DEXI: variants seen among roughly 807,000 people sequenced by gnomAD.
DEXI encodes the protein dexamethasone-induced protein.
In DEXI, 2 loss-of-function variants were observed where a neutral mutation model predicts 2.5. The ratio of observed to expected loss-of-function variants is 0.81; its 90% confidence interval spans 0.33 to 2.55. DEXI has a LOEUF of 2.55. Ranked by LOEUF, DEXI falls within the 30% of genes most tolerant of loss-of-function variation. DEXI has a pLI of 0.11. For missense variants in DEXI, 108 were observed against 130.3 expected (o/e 0.83, Z 0.83); for synonymous variants, 71 against 68.7 (o/e 1.03, Z -0.17).
chr16:10,932,372 G>C (rs931605980), intron 1 of DEXI: 6 of 152,194 alleles, frequency 3.9e-5, no homozygotes, highest in African/African-American at 1.4e-4. Flanking sequence ...ACTCTAGGAG[G>C]TAGGGCCAAG....
rs754123667 is a variant in DEXI at position 10,941,697 on chromosome 16, A to G, written c.*21T>C. The G allele has an allele frequency of 8.8e-6, 14 of 1,587,710 alleles. No individual in the cohort carries two copies. The African/African-American group carries it at 1.1e-4, about 12-fold the overall frequency. ...ATGGGTTGCGGATCGTGTAGGGAAG[A>G]GGGGAACAGCAGTCGAGACCCTACT... On this transcript the variant is annotated 3_prime_UTR_variant, in exon 1 of 2. Transcript: ENST00000331808. This position sits in a 1 kb window ranked among gnomAD's most constrained non-coding sequence, Gnocchi z 6.4.
rs1258482499 is a variant in DEXI at position 10,929,061 on chromosome 16, G to T, written c.*648C>A. On this transcript the variant is annotated 3_prime_UTR_variant, in exon 2 of 2. Transcript: ENST00000331808. This position sits in a 1 kb window ranked among gnomAD's most constrained non-coding sequence, Gnocchi z 4.3. ...ATGATGTCTGTTTTGCCAACTTGCT[G>T]AAGAACGAGTAACCTGAAATGAAGG... The T allele has an allele frequency of 1.3e-5, 4 of 314,016 alleles. No individual in the cohort carries two copies. Among genetic ancestry groups the T allele is most frequent in the Non-Finnish European group, 1.9e-5 (4 of 215,970 alleles). 19.5% of individuals were successfully genotyped at this position (314,016 alleles called of 1,614,324 possible). A position where few individuals can be genotyped will look rare whatever the true frequency, so the allele number is the denominator to read the frequency against.
rs190257925 is a variant in DEXI, at chr16:10,941,436, G to A, written c.*149+133C>T. On this transcript the variant is annotated intron_variant, in intron 1 of 1. Coordinates refer to ENST00000331808, the MANE Select transcript of DEXI (RefSeq NM_014015.4). The surrounding 1 kb of genome is among the most constrained non-coding windows in gnomAD (Gnocchi z 6.4). ...CTTAAGAGGAGTCTGGCCATTCCTG[G>A]CATCCAGTTAGACCTGGAGGAGGTG... 2 of 872,668 alleles carry A rather than the reference G, an allele frequency of 2.3e-6. No homozygotes were observed. Among genetic ancestry groups the A allele is most frequent in the Admixed American group, 4.1e-5 (1 of 24,264 alleles). The allele number at this position is 872,668 out of a possible 1,614,324, so 54.1% of individuals were successfully genotyped here.
At chr16:10,931,398 G>A (rs1596646069) in intron 1 of DEXI, 1 of 152,294 alleles carries the variant, frequency 6.6e-6, no homozygotes, top group South Asian at 2.1e-4. Flanking sequence ...TCCCAGCCAG[G>A]CGCTAGTCTG....
In DEXI at chr16:10,934,949, C is replaced by G. The variant is rs922038816; in HGVS notation, c.*150-5390G>C. 1 of 152,240 alleles carries G rather than the reference C, an allele frequency of 6.6e-6. No individual in the cohort carries two copies. The highest frequency in any genetic ancestry group is 2.4e-5 in the African/African-American group (1 of 41,452). 9.4% of individuals were successfully genotyped at this position (152,240 alleles called of 1,614,324 possible). ...ACCAGTCCTCAGGAGGAAGGGCACC[C>G]AAGGAAAGGGGGAAGGCTTCCTGGG... is the stretch of plus-strand genomic sequence containing the variant. On this transcript the variant is annotated intron_variant, in intron 1 of 1. Coordinates refer to ENST00000331808, the MANE Select transcript of DEXI (RefSeq NM_014015.4). The surrounding 1 kb of genome is among the most constrained non-coding windows in gnomAD (Gnocchi z 4.2).
Position 10,929,330 on chromosome 16 carries a change from C to G in DEXI, c.*379G>C. ...GGGATGAAGTGCAGGGAGGCAAACT[C>G]TGGCTGGGTTCCTGTAAACATCCAT... On this transcript the variant is annotated 3_prime_UTR_variant, in exon 2 of 2. Transcript: ENST00000331808. This position sits in a 1 kb window ranked among gnomAD's most constrained non-coding sequence, Gnocchi z 4.3. 1 of 985,934 alleles carries G rather than the reference C, an allele frequency of 1.0e-6. No individual in the cohort carries two copies. The highest frequency in any genetic ancestry group is 1.2e-6 in the Non-Finnish European group (1 of 829,976). 61.1% of individuals were successfully genotyped at this position (985,934 alleles called of 1,614,324 possible).
chr16:10,932,660 C>CAG (rs1466701545), intron 1 of DEXI: 3 of 148,484 alleles, frequency 2.0e-5, no homozygotes, highest in African/African-American at 7.4e-5. Flanking sequence ...ATCACACACA[C>CAG]ACACACAAAA....
intron 1 of DEXI, chr16:10,935,560 A>C (rs1596656397): frequency 6.6e-6 from 1 of 152,244 alleles, no homozygotes; most frequent in African/African-American, 2.4e-5. Flanking sequence ...TGAAGCACTA[A>C]AACTAGTGCA....
In DEXI at chr16:10,941,744, C is replaced by T; in HGVS notation, c.262G>A (p.Asp88Asn). The change falls in exon 1 of 2, where the codon GAC becomes AAC. Residue 88 changes from aspartate (D) to asparagine (N), a missense_variant. Coordinates refer to ENST00000331808, the MANE Select transcript of DEXI (RefSeq NM_014015.4). This position sits in a 1 kb window ranked among gnomAD's most constrained non-coding sequence, Gnocchi z 6.4. ...TACTCCAAGTACGCATCAAAGACGT[C>T]GAGCTCCGAGTCAGCATCGTAAAGG... ...SGLYDADSEL[D>N]VFDAYLE The T allele has an allele frequency of 1.2e-6, 2 of 1,611,532 alleles. No individual in the cohort carries two copies. Among genetic ancestry groups the T allele is most frequent in the South Asian group, 2.2e-5 (2 of 90,790 alleles).
In DEXI at chr16:10,937,859, G is replaced by A. The variant is rs1441158491; in HGVS notation, c.*149+3710C>T. The A allele has an allele frequency of 1.3e-5, 2 of 152,210 alleles. No homozygotes were observed. Among genetic ancestry groups the A allele is most frequent in the East Asian group, 1.9e-4 (1 of 5,180 alleles). The allele number at this position is 152,210 out of a possible 1,614,324, so 9.4% of individuals were successfully genotyped here. A position where few individuals can be genotyped will look rare whatever the true frequency, so the allele number is the denominator to read the frequency against. ...AGAGCCGGCTATCCAGGGTTCTGGT[G>A]CCCTGGGGACCACAGGGCAGCAAGA... is the stretch of plus-strand genomic sequence containing the variant. On this transcript the variant is annotated intron_variant, in intron 1 of 1. Transcript: ENST00000331808. The surrounding 1 kb of genome is among the most constrained non-coding windows in gnomAD (Gnocchi z 4.2).
rs1286150448 is a variant in DEXI, at chr16:10,934,804, T to G, written c.*150-5245A>C. On this transcript the variant is annotated intron_variant, in intron 1 of 1. Transcript: ENST00000331808. The surrounding 1 kb of genome is among the most constrained non-coding windows in gnomAD (Gnocchi z 4.2). Reference sequence around the variant, plus strand: ...GAGGGAGTTCCCCGCCACTCCAAGCTTGGGGCCTGGGATGGCAGCTGTGAG... The same window carrying G: ...GAGGGAGTTCCCCGCCACTCCAAGCGTGGGGCCTGGGATGGCAGCTGTGAG... The G allele has an allele frequency of 6.6e-6, 1 of 152,352 alleles. No individual in the cohort carries two copies. The highest frequency in any genetic ancestry group is 2.1e-4 in the South Asian group (1 of 4,826). The allele number at this position is 152,352 out of a possible 1,614,324, so 9.4% of individuals were successfully genotyped here.
In DEXI at chr16:10,938,514, G is replaced by A. The variant is rs2041060241; in HGVS notation, c.*149+3055C>T. On this transcript the variant is annotated intron_variant, in intron 1 of 1. Coordinates refer to ENST00000331808, the MANE Select transcript of DEXI (RefSeq NM_014015.4). This position sits in a 1 kb window ranked among gnomAD's most constrained non-coding sequence, Gnocchi z 4.9. ...GGAACACATGTGACCACATGAGAAT[G>A]GCTGAGAAAGAGCAGGACTGACTAC... The A allele has an allele frequency of 6.6e-6, 1 of 152,182 alleles. No individual in the cohort carries two copies. Among genetic ancestry groups the A allele is most frequent in the African/African-American group, 2.4e-5 (1 of 41,426 alleles). 9.4% of individuals were successfully genotyped at this position (152,182 alleles called of 1,614,324 possible).
rs2041104167 is a variant in DEXI, at chr16:10,941,673, T to C, written c.*45A>G. On this transcript the variant is annotated 3_prime_UTR_variant, in exon 1 of 2. Transcript: ENST00000331808. The surrounding 1 kb of genome is among the most constrained non-coding windows in gnomAD (Gnocchi z 6.4). ...TGATCTGGGCGGCTGGTCCAGGGCA[T>C]GGGTTGCGGATCGTGTAGGGAAGAG... 2.6e-6 allele frequency: 4 copies of C among 1,560,718 alleles called. No individual in the cohort carries two copies. Among genetic ancestry groups the C allele is most frequent in the Admixed American group, 1.8e-5 (1 of 56,380 alleles).
Position 10,941,722 on chromosome 16 carries a change from T to A in DEXI, c.284A>T (p.Glu95Val). Residue 95 changes from glutamate (E) to valine (V), a missense_variant, in exon 1 of 2, where the codon GAG becomes GTG. Glu to Val is a moderately radical substitution (Grantham distance 121). Coordinates refer to ENST00000331808, the MANE Select transcript of DEXI (RefSeq NM_014015.4). The surrounding 1 kb of genome is among the most constrained non-coding windows in gnomAD (Gnocchi z 6.4). ...AGGGGAACAGCAGTCGAGACCCTACTCCAAGTACGCATCAAAGACGTCGAG... is the reference window on the plus strand; with the variant it reads ...AGGGGAACAGCAGTCGAGACCCTACACCAAGTACGCATCAAAGACGTCGAG... Reference protein sequence around the residue: ...SELDVFDAYLE With the variant: ...SELDVFDAYLV The A allele has an allele frequency of 6.2e-7, 1 of 1,607,566 alleles. No individual in the cohort carries two copies.
chr16:10,936,674 A>G (rs553582370), intron 1 of DEXI: 1 of 152,334 alleles, frequency 6.6e-6, no homozygotes, highest in East Asian at 1.9e-4. Flanking sequence ...CCTGGCAGAA[A>G]CTATGAGCTG....
At position 10,939,546 on chromosome 16, in the gene DEXI, T is replaced by C. The variant is rs2041073263; in HGVS notation, c.*149+2023A>G. ...TCTCACCTGAAGGTCTTGGCACCAC[T>C]GATTCCCTCAGCCTGGACTGCTTTT... On this transcript the variant is annotated intron_variant, in intron 1 of 1. Transcript: ENST00000331808. The surrounding 1 kb of genome is among the most constrained non-coding windows in gnomAD (Gnocchi z 4.9). The C allele has an allele frequency of 6.6e-6, 1 of 152,290 alleles. No individual in the cohort carries two copies. Among genetic ancestry groups the C allele is most frequent in the African/African-American group, 2.4e-5 (1 of 41,452 alleles). The allele number at this position is 152,290 out of a possible 1,614,324, so 9.4% of individuals were successfully genotyped here.
chr16:10,933,438 G>A (rs1320171387), intron 1 of DEXI: 1 of 152,244 alleles, frequency 6.6e-6, no homozygotes, highest in Non-Finnish European at 1.5e-5. Context: ...CAGGGCAAAT[G>A]CTGTGAGATC....
rs1476923022 is a variant in DEXI, at chr16:10,942,372, C to G, written c.-367G>C. 5.6e-6 allele frequency: 1 copy of G among 179,980 alleles called. No individual in the cohort carries two copies. Among genetic ancestry groups the G allele is most frequent in the Admixed American group, 6.4e-5 (1 of 15,620 alleles). 11.1% of individuals were successfully genotyped at this position (179,980 alleles called of 1,614,324 possible). ...CTAGGGCCGGTCCCGGCAGCCTTCT[C>G]TCCCGCCCCGCCCCGCAGGTCCTCG... On this transcript the variant is annotated 5_prime_UTR_variant, in exon 1 of 2. Transcript: ENST00000331808. This position sits in a 1 kb window ranked among gnomAD's most constrained non-coding sequence, Gnocchi z 5.0.
rs1478979150 is a variant in DEXI at position 10,938,272 on chromosome 16, A to C, written c.*149+3297T>G. ...CACAGCTACCCTGGGATGTGAACCCAGGGCCCTGGCTCTTAACCATGACCC... is the reference window on the plus strand; with the variant it reads ...CACAGCTACCCTGGGATGTGAACCCCGGGCCCTGGCTCTTAACCATGACCC... On this transcript the variant is annotated intron_variant, in intron 1 of 1. Transcript: ENST00000331808. This position sits in a 1 kb window ranked among gnomAD's most constrained non-coding sequence, Gnocchi z 4.9. The C allele has an allele frequency of 6.6e-6, 1 of 152,048 alleles. No homozygotes were observed. Among genetic ancestry groups the C allele is most frequent in the Non-Finnish European group, 1.5e-5 (1 of 67,998 alleles). The allele number at this position is 152,048 out of a possible 1,614,324, so 9.4% of individuals were successfully genotyped here. A position where few individuals can be genotyped will look rare whatever the true frequency, so the allele number is the denominator to read the frequency against.
Sources: allele counts gnomAD v4.1 joint callset, GRCh38; gene constraint gnomAD v4.1.1; non-coding constraint Gnocchi (gnomAD v3.1); transcripts MANE v1.5; gene names NCBI Gene and HGNC (gene_info 2026-07-23, HGNC 2026-07-21).